The following MIA3 variants were observed in gnomAD, a reference collection of about 807,000 sequenced individuals.
MIA3 encodes transport and Golgi organization protein 1 homolog.
In MIA3, 90 loss-of-function variants were observed where a neutral mutation model predicts 192.4. The observed-to-expected ratio is 0.47, with a 90% CI of 0.39 to 0.56. MIA3 has a LOEUF of 0.56. Ranked by LOEUF, MIA3 falls within the 20% of genes least tolerant of loss-of-function variation. The probability of loss-of-function intolerance (pLI) is 0.00; values close to 1 mark genes in which losing one functional copy is unlikely to be tolerated. For missense variants in MIA3, 2,123 were observed against 2,269.4 expected (o/e 0.94, Z 1.31); for synonymous variants, 740 against 792.8 (o/e 0.93, Z 1.12).
intron 6 of MIA3, among the ~76,000 whole-genome samples, chr1:222,637,827 GAC>G (rs1220155130): frequency 6.6e-6 from 1 of 151,954 alleles, no homozygotes; most frequent in Non-Finnish European, 1.5e-5. Context: ...GAGTAGCTGG[GAC>G]TACAGGTGTG....
chr1:222,651,841 G>T, intron 11 of MIA3, 136 bp from the exon 12 acceptor site: 1 of 669,226 alleles, frequency 1.5e-6, no homozygotes, highest in East Asian at 2.7e-5. Context: ...GGGCAAAACT[G>T]AAACACCTGC....
intron 3 of MIA3, 129 bp from the exon 4 acceptor site, chr1:222,627,446 C>T (rs1377334381): frequency 2.7e-6 from 2 of 749,208 alleles, no homozygotes; most frequent in East Asian, 2.5e-5. Context: ...AGTCAGTGCC[C>T]AGTGTTGACG....
chr1:222,618,264 G>A, intron 1 of MIA3, 21 bp downstream of exon 1: 1 of 1,382,514 alleles, frequency 7.2e-7, no homozygotes, highest in East Asian at 3.2e-5. Flanking sequence ...TGGAGGGGCG[G>A]CTGGCCTCGG....
Position 222,624,846 on chromosome 1 carries a change from C to A in MIA3, c.346C>A (p.Pro116Thr). The change falls in exon 3 of 28, where the codon CCA becomes ACA. Residue 116 changes from proline (P) to threonine (T), a missense_variant. By Grantham distance (38) the Pro-to-Thr change is conservative. Coordinates refer to ENST00000344922, the MANE Select transcript of MIA3 (RefSeq NM_198551.4). ...HEYTKEELQVPTDETDFVCFD... is the reference protein window; with the variant it reads ...HEYTKEELQVTTDETDFVCFD... Reference sequence around the variant, plus strand: ...ATATACCAAAGAAGAGCTACAAGTTCCAACAGATGTAAGTTGTGGATTTCT... The same window carrying A: ...ATATACCAAAGAAGAGCTACAAGTTACAACAGATGTAAGTTGTGGATTTCT... The A allele has an allele frequency of 1.3e-6, 2 of 1,574,780 alleles. No individual in the cohort carries two copies. The highest frequency in any genetic ancestry group is 2.2e-5 in the South Asian group (2 of 89,788).
At position 222,662,521 on chromosome 1, in the gene MIA3, C is replaced by A. The variant is rs1371451378; in HGVS notation, c.5262+189C>A. The stretch of plus-strand genomic sequence containing the variant: ...CAGCATTACATCTTTGGCTGAGCGT[C>A]CAGTAGCAGTAAGTACTTAGAAGTG... On this transcript the variant is annotated intron_variant, in intron 26 of 27. Transcript: ENST00000344922. 2.9e-6 allele frequency: 4 copies of A among 1,395,110 alleles called. No individual in the cohort carries two copies. In the African/African-American group the frequency reaches 5.8e-5, roughly 20 times the overall value. The allele number at this position is 1,395,110 out of a possible 1,614,324, so 86.4% of individuals were successfully genotyped here.
chr1:222,661,018 G>A (rs1410652684), intron 24 of MIA3: 1 of 152,284 alleles, frequency 6.6e-6, no homozygotes, highest in Non-Finnish European at 1.5e-5. Context: ...TGTTGCTATT[G>A]CAGTGAGCTC....
intron 7 of MIA3, chr1:222,646,113 G>A (rs180731657): frequency 1.5e-4 from 23 of 154,824 alleles, no homozygotes; most frequent in South Asian, 5.7e-4. Context: ...TCTAGTAATC[G>A]ATCCTAAAGA....
rs1242189649 is a variant in MIA3, at chr1:222,654,289, T to C, written c.4368T>C (p.Asp1456=). Residue 1456 remains aspartate, a synonymous_variant, in exon 16 of 28, where the codon GAT becomes GAC. Transcript: ENST00000344922. ...KMKNQIKQMM[D]VSRTQTAISV... The stretch of plus-strand genomic sequence containing the variant: ...AAAATCAAATTAAGCAGATGATGGA[T>C]GTCTCTCGGGTATAATCGTTTTTAG... 1 of 1,614,084 alleles carries C rather than the reference T, an allele frequency of 6.2e-7. No individual in the cohort carries two copies. Among genetic ancestry groups the C allele is most frequent in the South Asian group, 1.1e-5 (1 of 91,072 alleles).
At chr1:222,657,746 A>ACCATAC (rs1663810896) in intron 18 of MIA3, among the ~76,000 whole-genome samples, 1 of 152,354 alleles carries the variant, frequency 6.6e-6, no homozygotes, top group African/African-American at 2.4e-5. Context: ...GGTGGTACTT[A>ACCATAC]CCATAGCCAT....
chr1:222,647,897 C>G (rs945770183), intron 7 of MIA3: 1 of 368,280 alleles, frequency 2.7e-6, no homozygotes, highest in South Asian at 2.0e-5. Flanking sequence ...GATTTAGATA[C>G]TGGAATTATT....
chr1:222,654,585 C>T (rs1663609164), intron 17 of MIA3, 70 bp from the exon 18 acceptor site: 4 of 1,571,330 alleles, frequency 2.5e-6, no homozygotes, highest in Non-Finnish European at 2.6e-6. Context: ...TTTCTCTCAG[C>T]ACCAGCCCCC....
At chr1:222,647,108 T>G (rs949509846) in intron 7 of MIA3, among the ~76,000 whole-genome samples, 2 of 152,230 alleles carry the variant, frequency 1.3e-5, no homozygotes, top group South Asian at 4.1e-4. Context: ...ATTTTCTGAT[T>G]TCATCATGTA....
At chr1:222,637,281 T>C (rs1303483208) in intron 6 of MIA3, among the ~76,000 whole-genome samples, 1 of 152,230 alleles carries the variant, frequency 6.6e-6, no homozygotes, top group Non-Finnish European at 1.5e-5. Context: ...AATTGATAGT[T>C]GCATCAGTAG....
chr1:222,644,773 CTT>C (rs551970012), intron 6 of MIA3, among the ~76,000 whole-genome samples: 12 of 143,956 alleles, frequency 8.3e-5, no homozygotes, highest in Non-Finnish European at 1.2e-4. Flanking sequence ...TTTCGTCACT[CTT>C]TTTTTTTTTT....
chr1:222,648,480 A>G (rs1663259883), intron 7 of MIA3, among the ~76,000 whole-genome samples: 1 of 152,190 alleles, frequency 6.6e-6, no homozygotes, highest in South Asian at 2.1e-4. Flanking sequence ...CTTTGAGTAA[A>G]TAAAACGTTA....
At chr1:222,640,592 A>G (rs560459779) in intron 6 of MIA3, among the ~76,000 whole-genome samples, 1 of 152,318 alleles carries the variant, frequency 6.6e-6, no homozygotes, top group South Asian at 2.1e-4. Flanking sequence ...ACCTCACATG[A>G]TGTACATAAA....
intron 18 of MIA3, among the ~76,000 whole-genome samples, chr1:222,657,721 C>T (rs1031263745): frequency 4.6e-5 from 7 of 152,184 alleles, no homozygotes; most frequent in African/African-American, 1.7e-4. Context: ...CAGCTGTGAG[C>T]TCCATTAGTG....
In MIA3 at chr1:222,652,285, C is replaced by T; in HGVS notation, c.4039C>T (p.His1347Tyr). Residue 1347 changes from histidine to tyrosine, a missense_variant, in exon 13 of 28, where the codon CAT becomes TAT. By Grantham distance (83) the His-to-Tyr change is moderately conservative. Around this residue, in one of 3 missense-constraint regions of MIA3, gnomAD observed 762 missense variants for 856.4 expected, o/e 0.89. Coordinates refer to ENST00000344922, the MANE Select transcript of MIA3 (RefSeq NM_198551.4). ...TGAAGAGAAGGTGAAGTCTGAATGC[C>T]ATCGGGTTCAAGAAGAAAATGCTAG... ...LSEEKVKSECHRVQEENARLK... is the reference protein window; with the variant it reads ...LSEEKVKSECYRVQEENARLK... The T allele has an allele frequency of 3.1e-6, 5 of 1,613,788 alleles. No homozygotes were observed. Among genetic ancestry groups the T allele is most frequent in the Non-Finnish European group, 3.4e-6 (4 of 1,179,856 alleles).
chr1:222,655,618 C>T (rs1017945840), intron 18 of MIA3, among the ~76,000 whole-genome samples: 3 of 152,190 alleles, frequency 2.0e-5, no homozygotes, highest in African/African-American at 7.2e-5. Context: ...TAATTCTTTG[C>T]TCACCAGGCA....
Sources: gnomAD v4.1 joint callset for allele counts (sites outside exome capture counted in the v4.1 genomes callset) on GRCh38, gnomAD v4.1.1 for gene constraint, gnomAD v4.1.1 regional missense constraint, MANE v1.5 for transcripts, NCBI Gene and HGNC (gene_info 2026-07-23, HGNC 2026-07-21) for gene names.